RUNX1T1: variants seen among roughly 807,000 people sequenced by gnomAD.
The protein encoded by RUNX1T1 is protein CBFA2T1.
RUNX1T1 carries 4 observed loss-of-function variants against 62.8 expected under a neutral mutation model. The observed-to-expected ratio is 0.06, with a 90% confidence interval of 0.03 to 0.15. The LOEUF is 0.15. RUNX1T1 is among the 10% of genes least tolerant of loss of function. The pLI is 1.00. For missense variants in RUNX1T1, 508 were observed against 754.3 expected, an observed-to-expected ratio of 0.67 and a Z score of 3.82; for synonymous variants, 291 against 286.0, an observed-to-expected ratio of 1.02 and a Z score of -0.18.
At chr8:92,097,732 G>A (rs1459084408) in intron 1 of RUNX1T1, among the ~76,000 whole-genome samples, 2 of 152,206 alleles carry the variant, frequency 1.3e-5, no homozygotes, top group East Asian at 3.8e-4. Context: ...TAATCTGCCA[G>A]TGGTCTTATT....
chr8:92,095,615 GGA>G (rs748122685), intron 1 of RUNX1T1: 848 of 1,372,474 alleles, frequency 6.2e-4, no homozygotes, highest in South Asian at 1.3e-3. Context: ...AGGAAAAGTG[GGA>G]GAGAGAGAGA....
chr8:91,959,464 GTGTATATGTGCGTGTGTGTGTGTGTATA>G (rs1258550300), exon 11 of RUNX1T1: 4 of 94,848 alleles, frequency 4.2e-5, no homozygotes, highest in East Asian at 2.5e-4. Context: ...GTGTGTGTGT[GTGTATATGTGCGTGTGTGTGTGTGTATA>G]TATATATATA....
intron 5 of RUNX1T1, among the ~76,000 whole-genome samples, chr8:91,998,539 C>T (rs1041658962): frequency 1.3e-5 from 2 of 152,166 alleles, no homozygotes; most frequent in African/African-American, 2.4e-5. Flanking sequence ...GACACACAAA[C>T]GTGATGCCCA....
intron 1 of RUNX1T1, among the ~76,000 whole-genome samples, chr8:92,078,849 A>G (rs757773500): frequency 2.6e-5 from 4 of 152,218 alleles, no homozygotes; most frequent in Non-Finnish European, 4.4e-5. Flanking sequence ...AATCTTAACC[A>G]TATGCGCAAT....
chr8:92,030,351 T>C (rs1013827650), intron 1 of RUNX1T1, among the ~76,000 whole-genome samples: 2 of 152,342 alleles, frequency 1.3e-5, no homozygotes, highest in South Asian at 4.1e-4. Context: ...ATTCTTATCA[T>C]ATCAACTCAG....
downstream of RUNX1T1, chr8:91,958,728 CA>C (rs34044770): frequency 0.42 from 54,859 of 130,014 alleles, 7,549 homozygotes; most frequent in South Asian, 0.49. Flanking sequence ...AGAATTTGCT[CA>C]AAAAAAAAAA....
At chr8:92,013,812 A>G (rs886852820) in intron 3 of RUNX1T1, among the ~76,000 whole-genome samples, 8 of 152,242 alleles carry the variant, frequency 5.3e-5, no homozygotes, top group Non-Finnish European at 1.0e-4. Flanking sequence ...AATTCTACCT[A>G]TAACAAAGAT....
chr8:91,963,319 C>T (rs1810917318), intron 10 of RUNX1T1, among the ~76,000 whole-genome samples: 1 of 151,962 alleles, frequency 6.6e-6, no homozygotes, highest in African/African-American at 2.4e-5. Context: ...TAGGAAGTTA[C>T]AAAAAGAGCA....
intron 1 of RUNX1T1, among the ~76,000 whole-genome samples, chr8:92,038,046 C>CTTTCTTTATTTA (rs71563485): frequency 1.3e-5 from 2 of 149,984 alleles, no homozygotes; most frequent in African/African-American, 5.0e-5. Flanking sequence ...CAAAATTCTT[C>CTTTCTTTATTTA]TTTATTTATT....
At chr8:92,055,356 C>A (rs978752966) in intron 1 of RUNX1T1, among the ~76,000 whole-genome samples, 3 of 152,172 alleles carry the variant, frequency 2.0e-5, no homozygotes, top group African/African-American at 7.2e-5. Flanking sequence ...TAGAAAGATT[C>A]CTAAATTGTA....
chr8:91,989,271 T>G (rs1817186813), intron 6 of RUNX1T1, among the ~76,000 whole-genome samples: 1 of 152,178 alleles, frequency 6.6e-6, no homozygotes, highest in African/African-American at 2.4e-5. Flanking sequence ...TTATGACAAT[T>G]TTTATATTCT....
At chr8:92,069,986 C>A (rs1490094431) in intron 2 of RUNX1T1, among the ~76,000 whole-genome samples, 1 of 152,142 alleles carries the variant, frequency 6.6e-6, no homozygotes, top group Admixed American at 6.5e-5. Flanking sequence ...CTTCACTTTC[C>A]AGAGTAATTC....
chr8:92,015,598 AAAAG>A (rs879371625), intron 2 of RUNX1T1, among the ~76,000 whole-genome samples: 1 of 152,204 alleles, frequency 6.6e-6, no homozygotes, highest in Non-Finnish European at 1.5e-5. Flanking sequence ...TAAGTACATA[AAAAG>A]AAAGCAAAAA....
intron 5 of RUNX1T1, among the ~76,000 whole-genome samples, chr8:91,994,029 A>C (rs1818208457): frequency 6.6e-6 from 1 of 152,058 alleles, no homozygotes; most frequent in Non-Finnish European, 1.5e-5. Flanking sequence ...ACTGAGGGTA[A>C]ATCTGCAGAG....
At position 92,005,239 on chromosome 8, in the gene RUNX1T1, T is replaced by C. The variant is rs750665672; in HGVS notation, c.536A>G (p.Asn179Ser). 8 of 1,613,850 alleles carry C rather than the reference T, an allele frequency of 5.0e-6. 1 individual carries two copies. Among genetic ancestry groups the C allele is most frequent in the South Asian group, 3.3e-5 (3 of 91,040 alleles). Residue 179 changes from asparagine to serine, a missense_variant, in exon 5 of 11, where the codon AAC becomes AGC. Asn to Ser is a conservative substitution (Grantham distance 46). Transcript: ENST00000396218. ...ATGCTGGGCGAGGTACTGGGCAGGGTTCTGTTTGGCCAGTCTTGCGCAGTG... is the reference window on the plus strand; with the variant it reads ...ATGCTGGGCGAGGTACTGGGCAGGGCTCTGTTTGGCCAGTCTTGCGCAGTG...
At chr8:92,009,769 T>G (rs748059977) in intron 4 of RUNX1T1, 1 of 152,102 alleles carries the variant, frequency 6.6e-6, no homozygotes, top group African/African-American at 2.4e-5. Flanking sequence ...AATAAGAATA[T>G]AGTATTATAG....
At chr8:92,095,037 T>G in intron 1 of RUNX1T1, 4 of 1,535,330 alleles carry the variant, frequency 2.6e-6, no homozygotes, top group Non-Finnish European at 3.5e-6. Context: ...CCTCGGTGAG[T>G]CCTGTCTGGA....
chr8:92,069,190 G>GA (rs201921705), intron 2 of RUNX1T1, among the ~76,000 whole-genome samples: 2,211 of 135,886 alleles, frequency 0.016, 42 homozygotes, highest in African/African-American at 0.052. Flanking sequence ...ATTATATTTT[G>GA]AAAAAAAAAA....
At chr8:91,970,407 G>A (rs950913751) in intron 10 of RUNX1T1, among the ~76,000 whole-genome samples, 11 of 152,094 alleles carry the variant, frequency 7.2e-5, no homozygotes, top group African/African-American at 1.4e-4. Flanking sequence ...ATAATGCTGC[G>A]AAGTTATAAG....
Sources: allele counts gnomAD v4.1 joint callset (sites outside exome capture counted in the v4.1 genomes callset), GRCh38; gene constraint gnomAD v4.1.1; transcripts MANE v1.5; gene names NCBI Gene and HGNC (gene_info 2026-07-23, HGNC 2026-07-21).